The following TBCK variants were observed in gnomAD, a reference collection of about 807,000 sequenced individuals.
TBCK encodes TBC domain-containing protein kinase-like protein.
A neutral mutation model predicts 113.4 loss-of-function variants in TBCK; 99 were observed. That is an observed-to-expected ratio of 0.87 (90% CI 0.74 to 1.03). TBCK has a LOEUF of 1.03. TBCK is among the 50% of genes least tolerant of loss of function. The pLI is 0.00. For synonymous variants in TBCK, 369 were observed against 370.8 expected (o/e 1.00, Z 0.05); for missense variants, 1,045 against 1,061.3 (o/e 0.98, Z 0.21).
chr4:106,294,518 G>C (rs1456859004), intron 3 of TBCK, among the ~76,000 whole-genome samples: 2 of 149,010 alleles, frequency 1.3e-5, no homozygotes, highest in Admixed American at 6.7e-5. Flanking sequence ...GTCTCGCTCT[G>C]TCACCCAGGC....
chr4:106,168,744 C>T (rs1057011015), intron 23 of TBCK, among the ~76,000 whole-genome samples: 2 of 151,744 alleles, frequency 1.3e-5, no homozygotes, highest in African/African-American at 4.8e-5. Flanking sequence ...ATCAGCATTC[C>T]TCAAAATCAA....
intron 25 of TBCK, among the ~76,000 whole-genome samples, chr4:106,067,896 A>G (rs563028589): frequency 6.6e-6 from 1 of 152,244 alleles, no homozygotes; most frequent in East Asian, 1.9e-4. Context: ...ATAGCTTTGT[A>G]GTAAATTCTC....
intron 23 of TBCK, among the ~76,000 whole-genome samples, chr4:106,130,631 A>AC (rs1230580852): frequency 1.5e-5 from 2 of 130,026 alleles, no homozygotes; most frequent in African/African-American, 2.9e-5. Context: ...CACACACACC[A>AC]CACAGAAACT....
At chr4:106,212,380 C>T (rs1756254118) in intron 20 of TBCK, among the ~76,000 whole-genome samples, 1 of 152,098 alleles carries the variant, frequency 6.6e-6, no homozygotes, top group African/African-American at 2.4e-5. Flanking sequence ...TATCTAAGCT[C>T]CCAAAGTAGT....
At chr4:106,229,701 C>T (rs1283892331) in intron 19 of TBCK, among the ~76,000 whole-genome samples, 1 of 151,874 alleles carries the variant, frequency 6.6e-6, no homozygotes, top group East Asian at 1.9e-4. Flanking sequence ...GTTCTTTTTG[C>T]TCAGGACAGC....
chr4:106,271,461 T>C (rs989434839), intron 3 of TBCK, among the ~76,000 whole-genome samples: 1 of 152,076 alleles, frequency 6.6e-6, no homozygotes, highest in Non-Finnish European at 1.5e-5. Context: ...TCAAATACTT[T>C]AAAACTGTTC....
intron 24 of TBCK, among the ~76,000 whole-genome samples, chr4:106,106,664 C>T (rs1330923445): frequency 6.6e-6 from 1 of 152,082 alleles, no homozygotes; most frequent in East Asian, 1.9e-4. Flanking sequence ...ATAGAAAGAT[C>T]ACTACCAGTG....
At chr4:106,281,741 T>C (rs1016329820) in intron 3 of TBCK, among the ~76,000 whole-genome samples, 6 of 152,128 alleles carry the variant, frequency 3.9e-5, no homozygotes, top group African/African-American at 1.4e-4. Context: ...TGTTGAACCA[T>C]CCTTGCATCC....
intron 3 of TBCK, among the ~76,000 whole-genome samples, chr4:106,266,442 T>C (rs1253213002): frequency 1.3e-5 from 2 of 151,850 alleles, no homozygotes; most frequent in African/African-American, 4.8e-5. Flanking sequence ...GCCAAACCTT[T>C]AAAGTGATTT....
intron 22 of TBCK, among the ~76,000 whole-genome samples, chr4:106,186,520 T>C (rs1324343501): frequency 1.3e-5 from 2 of 152,176 alleles, no homozygotes; most frequent in Non-Finnish European, 2.9e-5. Flanking sequence ...TTGTTGGCCA[T>C]ACAGATGTCT....
At chr4:106,113,117 G>A (rs74866590) in intron 24 of TBCK, among the ~76,000 whole-genome samples, 19,746 of 152,136 alleles carry the variant, frequency 0.13, 1,609 homozygotes, top group South Asian at 0.24. Context: ...ATTAAACATC[G>A]TCTTTTAACT....
chr4:106,103,714 T>C (rs545353106), intron 24 of TBCK, among the ~76,000 whole-genome samples: 2 of 152,290 alleles, frequency 1.3e-5, no homozygotes, highest in Non-Finnish European at 2.9e-5. Context: ...AAGCAGCTAG[T>C]GTGCGTGGCT....
rs1734133633 is a variant in TBCK, at chr4:106,045,414, T to C, written c.*1156A>G. 1 of 152,208 alleles carries C rather than the reference T, an allele frequency of 6.6e-6. No homozygotes were observed. The highest frequency in any genetic ancestry group is 2.1e-4 in the South Asian group (1 of 4,834). 9.4% of individuals were successfully genotyped at this position (152,208 alleles called of 1,614,324 possible). On this transcript the variant is annotated 3_prime_UTR_variant, in exon 26 of 26. Transcript: ENST00000394708. ...ATTTAATGAAATATAATACTCATTT[T>C]AAAAACAATGTGGCAGAGGCAGAGG...
intron 25 of TBCK, among the ~76,000 whole-genome samples, chr4:106,051,244 C>A (rs1734774435): frequency 6.6e-6 from 1 of 151,820 alleles, no homozygotes; most frequent in South Asian, 2.1e-4. Flanking sequence ...ACAGTAGCAG[C>A]AGGAAACTAA....
intron 25 of TBCK, among the ~76,000 whole-genome samples, chr4:106,086,665 T>C (rs780690350): frequency 6.6e-5 from 10 of 152,168 alleles, no homozygotes; most frequent in Non-Finnish European, 1.3e-4. Flanking sequence ...CTGATGAACA[T>C]TGATGAGAAA....
intron 2 of TBCK, among the ~76,000 whole-genome samples, chr4:106,296,251 T>C (rs1305883594): frequency 2.0e-5 from 3 of 152,116 alleles, no homozygotes; most frequent in East Asian, 3.9e-4. Flanking sequence ...ACAAGGTTAT[T>C]TGAGGAGTTT....
intron 11 of TBCK, among the ~76,000 whole-genome samples, chr4:106,244,156 T>G (rs899400340): frequency 1.3e-5 from 2 of 152,196 alleles, no homozygotes; most frequent in Admixed American, 6.6e-5. Flanking sequence ...TAGGCAGATT[T>G]TTTTGCAACA....
rs540626267 is a variant in TBCK at position 106,308,120 on chromosome 4, G to A, written c.193+648C>T. 6.1e-4 allele frequency among the ~76,000 whole-genome samples: 93 copies of A among 152,056 alleles called. 1 individual carries two copies. The highest frequency in any genetic ancestry group is 6.8e-3 in the Middle Eastern group (2 of 294). On this transcript the variant is annotated intron_variant, in intron 2 of 25. Transcript: ENST00000394708. Reference sequence around the variant, plus strand: ...TAAAGAAATATGTTTAAGAATAGACGGTTTCCCTGAAAAAGAAAATTAAAA... The same window carrying A: ...TAAAGAAATATGTTTAAGAATAGACAGTTTCCCTGAAAAAGAAAATTAAAA...
At chr4:106,260,534 A>T in intron 4 of TBCK, 24 bp from the exon 5 acceptor site, 1 of 753,990 alleles carries the variant, frequency 1.3e-6, no homozygotes, top group Non-Finnish European at 2.0e-6. Flanking sequence ...GAAAAAAAAC[A>T]CTATCAAATA....
Sources: allele counts gnomAD v4.1 joint callset (sites outside exome capture counted in the v4.1 genomes callset), GRCh38; gene constraint gnomAD v4.1.1; transcripts MANE v1.5; gene names NCBI Gene and HGNC (gene_info 2026-07-23, HGNC 2026-07-21).